Variants in MCM9 observed in about 807,000 individuals in gnomAD.
MCM9 encodes the protein DNA helicase MCM9.
MCM9 carries 55 observed loss-of-function variants against 72.8 expected under a neutral mutation model. The ratio of observed to expected loss-of-function variants is 0.76; its 90% CI spans 0.61 to 0.95. The LOEUF (loss-of-function observed/expected upper bound fraction) is 0.95. Among genes scored for constraint, MCM9 ranks in the 40% least tolerant of loss-of-function variants. The pLI is 0.00. For synonymous variants in MCM9, 480 were observed against 503.4 expected, an observed-to-expected ratio of 0.95 and a Z score of 0.62; for missense variants, 1,279 against 1,377.0, an observed-to-expected ratio of 0.93 and a Z score of 1.13.
chr6:118,875,108 C>T lies in MCM9; in HGVS notation c.1151-18563G>A, dbSNP rs897733864. Among the ~76,000 whole-genome samples the T allele has an allele frequency of 5.9e-5, 9 of 152,010 alleles. No homozygotes were observed. In the South Asian group the frequency reaches 8.3e-4, roughly 14 times the overall value. On this transcript the variant is annotated intron_variant, in intron 8 of 13. Transcript: ENST00000619706. Reference sequence around the variant, plus strand: ...AGCCTGGGTGACAAGAGTGAAACTCCGTTTCAAAAACAAACAAACAAACAA... The same window carrying T: ...AGCCTGGGTGACAAGAGTGAAACTCTGTTTCAAAAACAAACAAACAAACAA...
At chr6:118,829,550 C>T (rs1774390090) in intron 9 of MCM9, among the ~76,000 whole-genome samples, 1 of 152,182 alleles carries the variant, frequency 6.6e-6, no homozygotes, top group South Asian at 2.1e-4. Flanking sequence ...TCTTAAGGGG[C>T]TTGCAATCTA....
intron 8 of MCM9, among the ~76,000 whole-genome samples, chr6:118,899,680 TTACAA>T (rs1475840347): frequency 1.5e-4 from 23 of 152,296 alleles, no homozygotes; most frequent in African/African-American, 5.3e-4. Flanking sequence ...TGATTGTAGT[TTACAA>T]TACAATATAA....
At position 118,923,805 on chromosome 6, in the gene MCM9, A is replaced by T; in HGVS notation, c.621+6T>A. The T allele has an allele frequency of 6.2e-7, 1 of 1,610,824 alleles. No homozygotes were observed. Among genetic ancestry groups the T allele is most frequent in the Non-Finnish European group, 8.5e-7 (1 of 1,177,400 alleles). On this transcript the variant is annotated splice_donor_region_variant and intron_variant, in intron 4 of 13. Transcript: ENST00000619706. ...ATTTATTTATCTCGTTTATGTGATT[A>T]TTTACCTGTTCCTGAATTTTGATTT...
intron 9 of MCM9, among the ~76,000 whole-genome samples, chr6:118,843,890 A>ACCAGACTGT (rs1305727086): frequency 4.0e-4 from 61 of 151,382 alleles, no homozygotes; most frequent in African/African-American, 1.4e-3. Context: ...AGAGAAAGAA[A>ACCAGACTGT]GCAAAAGCAG....
intron 6 of MCM9, among the ~76,000 whole-genome samples, chr6:118,916,615 C>T (rs1213711472): frequency 1.3e-5 from 2 of 151,196 alleles, no homozygotes; most frequent in African/African-American, 4.9e-5. Context: ...CACGCCACCA[C>T]ACCTGGCTAA....
At chr6:118,833,973 C>A (rs916620246) in intron 9 of MCM9, among the ~76,000 whole-genome samples, 3 of 152,116 alleles carry the variant, frequency 2.0e-5, no homozygotes, top group Admixed American at 6.5e-5. Flanking sequence ...GTGTGCTGCA[C>A]CCATCAACCC....
intron 8 of MCM9, among the ~76,000 whole-genome samples, chr6:118,878,053 T>C (rs547225789): frequency 2.0e-5 from 3 of 152,054 alleles, no homozygotes; most frequent in Admixed American, 2.0e-4. Flanking sequence ...TCCTAGCCAT[T>C]TGGGAGACTA....
chr6:118,879,412 T>C (rs1387309723), intron 8 of MCM9, among the ~76,000 whole-genome samples: 4 of 152,210 alleles, frequency 2.6e-5, no homozygotes, highest in South Asian at 2.1e-4. Flanking sequence ...AGTCAAAATA[T>C]CTGAATATGA....
At chr6:118,911,277 C>T (rs1780525304) in intron 8 of MCM9, 3 of 992,898 alleles carry the variant, frequency 3.0e-6, no homozygotes, top group Non-Finnish European at 3.6e-6. Flanking sequence ...CATGAAAATG[C>T]CTTAAGCTCT....
At chr6:118,900,420 T>G (rs1779729823) in intron 8 of MCM9, among the ~76,000 whole-genome samples, 1 of 152,244 alleles carries the variant, frequency 6.6e-6, no homozygotes, top group Non-Finnish European at 1.5e-5. Flanking sequence ...TTAATGTTAC[T>G]GGTGTTCTTT....
chr6:118,927,007 GA>G (rs1018517474), intron 3 of MCM9, among the ~76,000 whole-genome samples: 2 of 151,594 alleles, frequency 1.3e-5, no homozygotes, highest in Admixed American at 6.6e-5. Context: ...AAGGAGAATA[GA>G]AAAAAAATAG....
intron 10 of MCM9, 149 bp from the exon 11 acceptor site, chr6:118,828,279 C>T: frequency 1.6e-6 from 1 of 638,814 alleles, no homozygotes; most frequent in Admixed American, 3.0e-5. Context: ...GCATAGCATA[C>T]AATCAGCATC....
chr6:118,906,735 C>T (rs1780203554), intron 8 of MCM9, among the ~76,000 whole-genome samples: 2 of 152,110 alleles, frequency 1.3e-5, no homozygotes, highest in Non-Finnish European at 2.9e-5. Flanking sequence ...TCTGATTTTT[C>T]ACTGGGAACT....
chr6:118,881,159 G>T (rs899803877), intron 8 of MCM9, among the ~76,000 whole-genome samples: 1 of 152,122 alleles, frequency 6.6e-6, no homozygotes, highest in South Asian at 2.1e-4. Context: ...CAAAACCCCG[G>T]ATGAACTACT....
intron 8 of MCM9, among the ~76,000 whole-genome samples, chr6:118,892,894 T>A (rs1250347775): frequency 1.3e-5 from 2 of 152,240 alleles, no homozygotes; most frequent in Non-Finnish European, 2.9e-5. Context: ...TGAAAACGTT[T>A]CATCAAAAGC....
At chr6:118,895,568 A>T (rs1045652508) in intron 8 of MCM9, among the ~76,000 whole-genome samples, 1 of 152,128 alleles carries the variant, frequency 6.6e-6, no homozygotes, top group Non-Finnish European at 1.5e-5. Flanking sequence ...TCAACTCCTC[A>T]TGTCAGTCCA....
chr6:118,890,617 C>A (rs150725695), intron 8 of MCM9, among the ~76,000 whole-genome samples: 54 of 152,262 alleles, frequency 3.5e-4, no homozygotes, highest in African/African-American at 1.3e-3. Context: ...AAAAATTTCA[C>A]ATAACAAATG....
intron 6 of MCM9, among the ~76,000 whole-genome samples, chr6:118,915,868 A>G (rs1234398828): frequency 6.6e-6 from 1 of 152,228 alleles, no homozygotes; most frequent in Non-Finnish European, 1.5e-5. Flanking sequence ...CTCATGCAAC[A>G]GTAGCCTAAT....
Position 118,815,950 on chromosome 6 carries a change from C to G in MCM9, c.2306G>C (p.Gly769Ala), listed in dbSNP as rs1362166476. The G allele has an allele frequency of 1.3e-6, 2 of 1,550,338 alleles. No individual in the cohort carries two copies. Among genetic ancestry groups the G allele is most frequent in the East Asian group, 4.9e-5 (2 of 40,926 alleles). Reference sequence around the variant, plus strand: ...AGAGATCTTCGAAGCCATATTTTCTCCAGATGTTTTGGGATGAGGAGACAC... The same window carrying G: ...AGAGATCTTCGAAGCCATATTTTCTGCAGATGTTTTGGGATGAGGAGACAC... ...VVVSPHPKTS[G>A]ENMASKISNS... The change falls in exon 14 of 14, where the codon GGA (glycine) becomes GCA (alanine). Residue 769 changes from glycine (G) to alanine (A), a missense_variant. Gly to Ala is a moderately conservative substitution (Grantham distance 60). Coordinates refer to ENST00000619706, the MANE Select transcript of MCM9 (RefSeq NM_017696.3).
Sources: gnomAD v4.1 joint callset for allele counts (sites outside exome capture counted in the v4.1 genomes callset) on GRCh38, gnomAD v4.1.1 for gene constraint, MANE v1.5 for transcripts, NCBI Gene and HGNC (gene_info 2026-07-23, HGNC 2026-07-21) for gene names.